The following BCAP29 variants were observed in gnomAD, a reference collection of about 807,000 sequenced individuals.
BCAP29 encodes B cell receptor associated protein 29.
Under a neutral mutation model 31.8 loss-of-function variants are expected in BCAP29, and 34 were observed. The observed-to-expected ratio is 1.07, with a 90% CI of 0.81 to 1.42. BCAP29 has a LOEUF of 1.42. BCAP29 is among the 40% of genes most tolerant of loss of function. BCAP29 has a pLI of 0.00. For synonymous variants in BCAP29, 104 were observed against 91.3 expected (o/e 1.14, Z -0.79); for missense variants, 314 against 269.2 (o/e 1.17, Z -1.16).
intron 7 of BCAP29, among the ~76,000 whole-genome samples, chr7:107,614,651 A>AT (rs1813799290): frequency 6.6e-6 from 1 of 152,210 alleles, no homozygotes; most frequent in African/African-American, 2.4e-5. Context: ...CCCAAAGCAC[A>AT]TATTTGTAAT....
chr7:107,602,410 T>C (rs1334902780), intron 6 of BCAP29, among the ~76,000 whole-genome samples: 1 of 152,130 alleles, frequency 6.6e-6, no homozygotes, highest in African/African-American at 2.4e-5. Context: ...TAATAGTGCA[T>C]GATTTGGATG....
intron 3 of BCAP29, among the ~76,000 whole-genome samples, chr7:107,591,656 A>ACACACACACACACACACACACACACACC: frequency 0.064 from 8,750 of 135,976 alleles, 524 homozygotes; most frequent in South Asian, 0.11. Flanking sequence ...ACACACACAC[A>ACACACACACACACACACACACACACACC]CCCTATTGGT....
chr7:107,595,336 G>A (rs1017436179), intron 4 of BCAP29, among the ~76,000 whole-genome samples: 1 of 152,146 alleles, frequency 6.6e-6, no homozygotes, highest in Non-Finnish European at 1.5e-5. Context: ...GCTGTTTTCC[G>A]CTGTGTCTGC....
In BCAP29 at chr7:107,612,424, TATATATATATATA is replaced by T. The variant is rs1563141428; in HGVS notation, c.590-907_590-895del. On this transcript the variant is annotated intron_variant, in intron 6 of 7. Transcript: ENST00000005259. Reference sequence around the variant, plus strand: ...ATATATATATATATATATATATATATATATATATATATATATTTATTTTACTTCTATCTAAGGC... The same window carrying T: ...ATATATATATATATATATATATATATTATTTATTTTACTTCTATCTAAGGC... 6.7e-4 allele frequency among the ~76,000 whole-genome samples: 30 copies of T among 45,018 alleles called. 1 individual carries two copies. The highest frequency in any genetic ancestry group is 0.014 in the Middle Eastern group (1 of 72). 29.5% of individuals were successfully genotyped at this position (45,018 alleles called of 152,430 possible).
chr7:107,608,924 C>T (rs1812647662), intron 6 of BCAP29, among the ~76,000 whole-genome samples: 1 of 152,170 alleles, frequency 6.6e-6, no homozygotes, highest in African/African-American at 2.4e-5. Flanking sequence ...ATATTTTAAG[C>T]ACTTACCAAT....
chr7:107,613,893 T>C (rs775039602), intron 7 of BCAP29, among the ~76,000 whole-genome samples: 2 of 152,196 alleles, frequency 1.3e-5, no homozygotes, highest in Non-Finnish European at 2.9e-5. Flanking sequence ...ATTTGAAAGA[T>C]GGAAATGGGA....
At chr7:107,595,188 G>T (rs1809595695) in intron 4 of BCAP29, among the ~76,000 whole-genome samples, 2 of 152,116 alleles carry the variant, frequency 1.3e-5, no homozygotes, top group Admixed American at 1.3e-4. Flanking sequence ...TACCCACAAA[G>T]TAGGTAGGTC....
chr7:107,580,904 C>T (rs1017173592), intron 2 of BCAP29, 40 bp downstream of exon 2: 51 of 1,456,180 alleles, frequency 3.5e-5, no homozygotes, highest in African/African-American at 2.4e-4. Context: ...AATATTGGAT[C>T]GCTCTTAATG....
intron 7 of BCAP29, among the ~76,000 whole-genome samples, chr7:107,614,508 A>G (rs149702864): frequency 1.7e-3 from 266 of 152,342 alleles, no homozygotes; most frequent in African/African-American, 6.1e-3. Flanking sequence ...TGCCTAGCTG[A>G]CAGTAAACAC....
At chr7:107,591,946 A>ATTTT (rs953926826) in intron 3 of BCAP29, among the ~76,000 whole-genome samples, 1 of 149,286 alleles carries the variant, frequency 6.7e-6, no homozygotes, top group African/African-American at 2.5e-5. Context: ...CTTTGTGCTT[A>ATTTT]TTTTTTTTTT....
intron 3 of BCAP29, among the ~76,000 whole-genome samples, chr7:107,589,730 C>G (rs537261561): frequency 6.6e-6 from 1 of 152,298 alleles, no homozygotes; most frequent in South Asian, 2.1e-4. Flanking sequence ...CACCAAGATA[C>G]ACTATATTCT....
chr7:107,600,598 A>G, intron 6 of BCAP29, 93 bp downstream of exon 6: 1 of 666,036 alleles, frequency 1.5e-6, no homozygotes. Flanking sequence ...ACTAATGCCT[A>G]AATGTTCTTC....
At chr7:107,614,141 G>T (rs1016092267) in intron 7 of BCAP29, among the ~76,000 whole-genome samples, 3 of 152,314 alleles carry the variant, frequency 2.0e-5, no homozygotes, top group African/African-American at 7.2e-5. Flanking sequence ...AGACAGACTG[G>T]TTGGGCTTGT....
chr7:107,616,540 A>G (rs1386818929), intron 7 of BCAP29, among the ~76,000 whole-genome samples: 1 of 152,218 alleles, frequency 6.6e-6, no homozygotes, highest in African/African-American at 2.4e-5. Flanking sequence ...TACTACTTAA[A>G]TAAAGGTTGT....
chr7:107,603,027 G>A (rs1376667573), intron 6 of BCAP29, among the ~76,000 whole-genome samples: 1 of 131,152 alleles, frequency 7.6e-6, no homozygotes, highest in Non-Finnish European at 1.5e-5. Context: ...CTGGAGTGCA[G>A]TGGTGGGATC....
intron 6 of BCAP29, among the ~76,000 whole-genome samples, chr7:107,610,524 A>G (rs1812927312): frequency 6.6e-6 from 1 of 152,212 alleles, no homozygotes; most frequent in Non-Finnish European, 1.5e-5. Flanking sequence ...ATTTTTATAA[A>G]ATGAGATAAA....
chr7:107,597,561 C>A (rs771457842), intron 5 of BCAP29, among the ~76,000 whole-genome samples: 2 of 152,178 alleles, frequency 1.3e-5, no homozygotes, highest in Non-Finnish European at 2.9e-5. Context: ...ATATGCTTCA[C>A]AACAAGGTTT....
At chr7:107,589,948 C>A (rs1808422323) in intron 3 of BCAP29, among the ~76,000 whole-genome samples, 1 of 151,966 alleles carries the variant, frequency 6.6e-6, no homozygotes, top group African/African-American at 2.4e-5. Flanking sequence ...GTGCCCAGCC[C>A]CTACAGAGTA....
intron 3 of BCAP29, among the ~76,000 whole-genome samples, chr7:107,588,698 G>A (rs1195706832): frequency 6.6e-6 from 1 of 152,054 alleles, no homozygotes; most frequent in Non-Finnish European, 1.5e-5. Context: ...AGAACTCAAA[G>A]CAAAAAGACA....
Sources: allele counts gnomAD v4.1 joint callset (sites outside exome capture counted in the v4.1 genomes callset), GRCh38; gene constraint gnomAD v4.1.1; transcripts MANE v1.5; gene names NCBI Gene and HGNC (gene_info 2026-07-23, HGNC 2026-07-21).